The following RIMBP2 variants were observed in gnomAD, a reference collection of about 807,000 sequenced individuals.
RIMBP2 encodes RIMS binding protein 2, also known as RIMS-binding protein 2.
In RIMBP2, 48 loss-of-function variants were observed where a neutral mutation model predicts 118.6. The ratio of observed to expected loss-of-function variants is 0.40; its 90% confidence interval spans 0.32 to 0.51. The LOEUF (loss-of-function observed/expected upper bound fraction) is 0.51, where lower values mean the gene tolerates loss of function less well. RIMBP2 is among the 20% of genes least tolerant of loss of function. The pLI is 0.41. For synonymous variants in RIMBP2, 762 were observed against 742.9 expected, an observed-to-expected ratio of 1.03 and a Z score of -0.42; for missense variants, 1,551 against 1,768.3, an observed-to-expected ratio of 0.88 and a Z score of 2.20.
At chr12:130,548,389 T>C (rs73156909) in intron 2 of RIMBP2, among the ~76,000 whole-genome samples, 18,762 of 152,240 alleles carry the variant, frequency 0.12, 1,478 homozygotes, top group Non-Finnish European at 0.19. Context: ...TCATGTTTTA[T>C]TTCCATGCCT....
rs368179173 is a variant in RIMBP2 at position 130,467,983 on chromosome 12, T to C, written c.153+2710A>G. Among the ~76,000 whole-genome samples the C allele has an allele frequency of 1.7e-4, 26 of 152,312 alleles. No homozygotes were observed. In the East Asian group the frequency reaches 3.3e-3, roughly 19 times the overall value. On this transcript the variant is annotated intron_variant, in intron 6 of 22. Coordinates refer to ENST00000690449, the MANE Select transcript of RIMBP2 (RefSeq NM_001393629.1). ...TGGGGTGTATCCTATCTAGGCGCCC[T>C]CTATTGTATCTGGCTGAGCATGGAA...
At position 130,576,691 on chromosome 12, in the gene RIMBP2, C is replaced by A. The variant is rs1415391948; in HGVS notation, c.-217+51631G>T. The stretch of plus-strand genomic sequence containing the variant: ...AGGGAGGACGGCAGGGAGTCCTTAG[C>A]ACAAACTGCCAGCAGCAGCGAGGAG... On this transcript the variant is annotated intron_variant, in intron 2 of 22. Transcript: ENST00000690449. The surrounding 1 kb of genome is among the most constrained non-coding windows in gnomAD (Gnocchi z 4.2). Among the ~76,000 whole-genome samples the A allele has an allele frequency of 6.6e-6, 1 of 152,192 alleles. No individual in the cohort carries two copies. Among genetic ancestry groups the A allele is most frequent in the Non-Finnish European group, 1.5e-5 (1 of 68,018 alleles).
intron 1 of RIMBP2, among the ~76,000 whole-genome samples, chr12:130,663,478 C>T (rs1045875707): frequency 6.7e-6 from 1 of 149,582 alleles, no homozygotes; most frequent in Non-Finnish European, 1.5e-5. Flanking sequence ...GGAAGAAACA[C>T]AACTAAGAGT....
intron 2 of RIMBP2, among the ~76,000 whole-genome samples, chr12:130,571,277 G>A (rs755180859): frequency 6.6e-6 from 1 of 152,010 alleles, no homozygotes; most frequent in African/African-American, 2.4e-5. Context: ...GCCATGCATG[G>A]GTCCCCGCAA....
chr12:130,712,981 C>A (rs552837661), intron 1 of RIMBP2, among the ~76,000 whole-genome samples: 48 of 151,678 alleles, frequency 3.2e-4, no homozygotes, highest in African/African-American at 1.2e-3. Context: ...TGGATCCACA[C>A]AGGAGCGTGG....
rs1949805146 is a variant in RIMBP2, at chr12:130,710,194, T to C, written c.-352+6028A>G. Among the ~76,000 whole-genome samples the C allele has an allele frequency of 6.6e-6, 1 of 152,070 alleles. No homozygotes were observed. Among genetic ancestry groups the C allele is most frequent in the African/African-American group, 2.4e-5 (1 of 41,424 alleles). ...AGCCACCGAGCAGCTCGCAGATCCA[T>C]TCCTCCCTCTGCCCTCGGGGCCTGA... On this transcript the variant is annotated intron_variant, in intron 1 of 22. Transcript: ENST00000690449. The surrounding 1 kb of genome is among the most constrained non-coding windows in gnomAD (Gnocchi z 4.3).
chr12:130,421,084 C>T (rs2076378350), intron 17 of RIMBP2: 1 of 152,144 alleles, frequency 6.6e-6, no homozygotes, highest in Non-Finnish European at 1.5e-5. Context: ...CTTTTCCCCA[C>T]ATCGTTTCTC....
intron 1 of RIMBP2, among the ~76,000 whole-genome samples, chr12:130,629,383 G>A (rs1298166730): frequency 6.6e-6 from 1 of 152,216 alleles, no homozygotes; most frequent in Non-Finnish European, 1.5e-5. Flanking sequence ...AGGCCTTCCA[G>A]GACTCTTCGT....
At chr12:130,416,851 G>A (rs1593222937) in intron 17 of RIMBP2, among the ~76,000 whole-genome samples, 2 of 151,942 alleles carry the variant, frequency 1.3e-5, no homozygotes, top group South Asian at 4.2e-4. Context: ...AATCTGCAAG[G>A]AACTTAAATC....
chr12:130,553,003 A>G (rs2055961988), intron 2 of RIMBP2, among the ~76,000 whole-genome samples: 1 of 152,008 alleles, frequency 6.6e-6, no homozygotes, highest in Admixed American at 6.5e-5. Flanking sequence ...AATACAAAAA[A>G]TTAGCCAGGC....
In RIMBP2 at chr12:130,619,789, T is replaced by C. The variant is rs118040696; in HGVS notation, c.-217+8533A>G. ...GTTTGCACCGGGGAGCTGGCTGCTGTCTGTGGATATCTATCAGCGGCAAAT... is the reference window on the plus strand; with the variant it reads ...GTTTGCACCGGGGAGCTGGCTGCTGCCTGTGGATATCTATCAGCGGCAAAT... On this transcript the variant is annotated intron_variant, in intron 2 of 22. Coordinates refer to ENST00000690449, the MANE Select transcript of RIMBP2 (RefSeq NM_001393629.1). 2.1e-3 allele frequency among the ~76,000 whole-genome samples: 322 copies of C among 152,282 alleles called. 2 individuals are homozygous for C. The highest frequency in any genetic ancestry group is 5.8e-3 in the Admixed American group (89 of 15,300).
chr12:130,673,664 G>C (rs1184323219), intron 1 of RIMBP2, among the ~76,000 whole-genome samples: 1 of 152,208 alleles, frequency 6.6e-6, no homozygotes, highest in Non-Finnish European at 1.5e-5. Context: ...GAGGGTTTGG[G>C]TCTGTGTTCC....
rs34473551 is a variant in RIMBP2, at chr12:130,676,319, TAAAA to T, written c.-352+39899_-352+39902del. Among the ~76,000 whole-genome samples, 10 of 133,290 alleles carry T rather than the reference TAAAA, an allele frequency of 7.5e-5. 1 individual carries two copies. The East Asian group carries it at 8.7e-4, about 12-fold the overall frequency. 87.4% of individuals were successfully genotyped at this position (133,290 alleles called of 152,430 possible). A position where few individuals can be genotyped will look rare whatever the true frequency, so the allele number is the denominator to read the frequency against. ...AAATGTCCCTCAGTGGAGGATGGAT[TAAAA>T]AAAAAAAAAAAAAAACGGGGGCCAG... On this transcript the variant is annotated intron_variant, in intron 1 of 22. Transcript: ENST00000690449.
intron 1 of RIMBP2, among the ~76,000 whole-genome samples, chr12:130,655,253 C>T (rs1037280223): frequency 3.3e-5 from 5 of 152,238 alleles, no homozygotes; most frequent in African/African-American, 9.6e-5. Context: ...GCCAGCATTA[C>T]TTCCCTGTTT....
At chr12:130,592,806 G>T (rs1052302413) in intron 2 of RIMBP2, among the ~76,000 whole-genome samples, 1 of 152,164 alleles carries the variant, frequency 6.6e-6, no homozygotes, top group Non-Finnish European at 1.5e-5. Flanking sequence ...CCCAGCACGT[G>T]GATTTGTTTC....
intron 15 of RIMBP2, chr12:130,426,808 G>A (rs896460396): frequency 1.3e-4 from 20 of 152,102 alleles, no homozygotes; most frequent in South Asian, 2.1e-4. Context: ...AGCAATTCCC[G>A]GGCTCTTCCT....
chr12:130,451,915 A>T (rs1443649672), intron 7 of RIMBP2, among the ~76,000 whole-genome samples: 1 of 152,146 alleles, frequency 6.6e-6, no homozygotes, highest in Non-Finnish European at 1.5e-5. Context: ...AACTGGCCAA[A>T]GGGGTGGGTT....
rs2077387793 is a variant in RIMBP2, at chr12:130,434,800, A to G, written c.2187T>C (p.Ser729=). ...AGGCGCCCCTCCTCTTGAAGTCTGG[A>G]GAGTCATAGGCGTCCTCCTCGTCTG... ...AASDEEDAYD[S]PDFKRRGASV... Residue 729 remains serine, a synonymous_variant, in exon 14 of 23, where the codon TCT becomes TCC. Coordinates refer to ENST00000690449, the MANE Select transcript of RIMBP2 (RefSeq NM_001393629.1). The surrounding 1 kb of genome is among the most constrained non-coding windows in gnomAD (Gnocchi z 5.7). 6.2e-7 allele frequency: 1 copy of G among 1,613,740 alleles called. No homozygotes were observed. The highest frequency in any genetic ancestry group is 1.3e-5 in the African/African-American group (1 of 74,970).
chr12:130,595,894 C>A (rs989387157), intron 2 of RIMBP2, among the ~76,000 whole-genome samples: 1 of 152,186 alleles, frequency 6.6e-6, no homozygotes, highest in South Asian at 2.1e-4. Context: ...ACTCAACGTA[C>A]CCAGTGTGGA....
Sources: allele counts gnomAD v4.1 joint callset (sites outside exome capture counted in the v4.1 genomes callset), GRCh38; gene constraint gnomAD v4.1.1; non-coding constraint Gnocchi (gnomAD v3.1); transcripts MANE v1.5; gene names NCBI Gene and HGNC (gene_info 2026-07-23, HGNC 2026-07-21).